Variants in NRG3 observed in about 807,000 individuals in gnomAD.
NRG3 encodes the protein neuregulin 3.
A neutral mutation model predicts 66.9 loss-of-function variants in NRG3; 31 were observed. The observed-to-expected ratio is 0.46, with a 90% CI of 0.35 to 0.63. The LOEUF (loss-of-function observed/expected upper bound fraction) is 0.63. NRG3 is among the 20% of genes least tolerant of loss of function. The probability of loss-of-function intolerance (pLI) is 0.00; values close to 1 mark genes in which losing one functional copy is unlikely to be tolerated. For synonymous variants in NRG3, 393 were observed against 359.4 expected, an observed-to-expected ratio of 1.09 and a Z score of -1.06; for missense variants, 910 against 878.9, an observed-to-expected ratio of 1.04 and a Z score of -0.45.
intron 2 of NRG3, among the ~76,000 whole-genome samples, chr10:82,716,284 G>A (rs534036433): frequency 8.5e-5 from 13 of 152,232 alleles, no homozygotes; most frequent in Non-Finnish European, 1.5e-5. Flanking sequence ...ATATACATAT[G>A]TATACACACG....
chr10:82,221,295 G>T (rs1171228879), intron 1 of NRG3, among the ~76,000 whole-genome samples: 3 of 149,434 alleles, frequency 2.0e-5, no homozygotes, highest in Non-Finnish European at 4.4e-5. Flanking sequence ...GCCACAAAAT[G>T]TAAAAGTCAA....
At chr10:82,756,106 G>A (rs1211581657) in intron 3 of NRG3, among the ~76,000 whole-genome samples, 1 of 151,870 alleles carries the variant, frequency 6.6e-6, no homozygotes, top group African/African-American at 2.4e-5. Flanking sequence ...GAAAGCAGAT[G>A]GTGGATCAGA....
chr10:82,365,952 A>G lies in NRG3; in HGVS notation c.953+7084A>G, dbSNP rs148489865. ...GGTGTTTTTTAAGGAGGTCATTATGACTTGGGTTTGCTTTTGTATCCAAGA... is the reference window on the plus strand; with the variant it reads ...GGTGTTTTTTAAGGAGGTCATTATGGCTTGGGTTTGCTTTTGTATCCAAGA... On this transcript the variant is annotated intron_variant, in intron 2 of 8. Transcript: ENST00000372141. Among the ~76,000 whole-genome samples the G allele has an allele frequency of 3.9e-5, 6 of 152,198 alleles. No homozygotes were observed. The East Asian group carries it at 1.2e-3, about 29-fold the overall frequency.
At chr10:82,226,632 A>AAC (rs1430474114) in intron 1 of NRG3, among the ~76,000 whole-genome samples, 1 of 152,178 alleles carries the variant, frequency 6.6e-6, no homozygotes, top group African/African-American at 2.4e-5. Context: ...CTGGGTTCTT[A>AAC]ACACACTTCA....
chr10:82,405,592 T>A lies in NRG3; in HGVS notation c.953+46724T>A, dbSNP rs191696640. Among the ~76,000 whole-genome samples, 17 of 151,484 alleles carry A rather than the reference T, an allele frequency of 1.1e-4. No homozygotes were observed. The East Asian group carries it at 3.2e-3, about 28-fold the overall frequency. On this transcript the variant is annotated intron_variant, in intron 2 of 8. Transcript: ENST00000372141. ...ATGCCTCAACCTCCTGATGCACACCTGAGTAGCAGGGACTACAGGTGTGCA... is the reference window on the plus strand; with the variant it reads ...ATGCCTCAACCTCCTGATGCACACCAGAGTAGCAGGGACTACAGGTGTGCA...
At chr10:82,519,607 C>T (rs752122153) in intron 2 of NRG3, among the ~76,000 whole-genome samples, 10 of 152,166 alleles carry the variant, frequency 6.6e-5, no homozygotes, top group Non-Finnish European at 1.0e-4. Flanking sequence ...CATCTCTCTT[C>T]TGGGCTCTGT....
At chr10:82,102,395 T>C (rs1479312955) in intron 1 of NRG3, among the ~76,000 whole-genome samples, 1 of 151,054 alleles carries the variant, frequency 6.6e-6, no homozygotes, top group Non-Finnish European at 1.5e-5. Flanking sequence ...AGTAGGGCCT[T>C]TTTTTAATGA....
chr10:82,920,177 G>A (rs1846286582), intron 4 of NRG3, among the ~76,000 whole-genome samples: 1 of 149,582 alleles, frequency 6.7e-6, no homozygotes, highest in South Asian at 2.1e-4. Flanking sequence ...CTGTACGTAA[G>A]TACTGTACTC....
At chr10:82,471,262 T>C (rs968454493) in intron 2 of NRG3, among the ~76,000 whole-genome samples, 1 of 152,092 alleles carries the variant, frequency 6.6e-6, no homozygotes, top group Non-Finnish European at 1.5e-5. Context: ...ACCCTGGAAC[T>C]CGAGAGGCCA....
intron 2 of NRG3, among the ~76,000 whole-genome samples, chr10:82,624,889 G>T (rs1348148222): frequency 6.9e-6 from 1 of 145,478 alleles, no homozygotes; most frequent in Non-Finnish European, 1.5e-5. Flanking sequence ...TTTAAGAAAG[G>T]ATGATAAATA....
chr10:82,717,851 CTT>C (rs57465728), intron 2 of NRG3, among the ~76,000 whole-genome samples: 1 of 143,974 alleles, frequency 6.9e-6, no homozygotes, highest in Non-Finnish European at 1.5e-5. Flanking sequence ...ATTGAAAAGT[CTT>C]TTTTTTTTTT....
At chr10:82,891,664 CATA>C (rs1303636306) in intron 4 of NRG3, among the ~76,000 whole-genome samples, 7 of 152,142 alleles carry the variant, frequency 4.6e-5, no homozygotes, top group African/African-American at 1.7e-4. Context: ...ACTTATTACA[CATA>C]ATAATTCATC....
chr10:82,977,011 T>C lies in NRG3; in HGVS notation c.1413-1939T>C, dbSNP rs140280252. Among the ~76,000 whole-genome samples the C allele has an allele frequency of 5.9e-5, 9 of 152,260 alleles. No individual in the cohort carries two copies. In the East Asian group the frequency reaches 1.7e-3, roughly 29 times the overall value. On this transcript the variant is annotated intron_variant, in intron 7 of 8. Coordinates refer to ENST00000372141, the MANE Select transcript of NRG3 (RefSeq NM_001010848.4). ...ACACTTTTGTATATAGCAAAATCTC[T>C]AACAATGAACCAGGTTAAAGTGCCA...
intron 3 of NRG3, among the ~76,000 whole-genome samples, chr10:82,814,846 A>T (rs2061639255): frequency 6.6e-6 from 1 of 152,188 alleles, no homozygotes; most frequent in South Asian, 2.1e-4. Flanking sequence ...TCTGCTAAGC[A>T]CTTTATGTGA....
chr10:81,973,336 T>C (rs1181477790), intron 1 of NRG3, among the ~76,000 whole-genome samples: 3 of 152,184 alleles, frequency 2.0e-5, no homozygotes, highest in Non-Finnish European at 4.4e-5. Flanking sequence ...AGATTCCATG[T>C]TTTGCTATTG....
intron 1 of NRG3, among the ~76,000 whole-genome samples, chr10:82,032,838 T>A (rs1294153783): frequency 6.6e-6 from 1 of 152,100 alleles, no homozygotes; most frequent in East Asian, 1.9e-4. Context: ...CCTAAGTAGT[T>A]TCCAGGGCAC....
At chr10:82,416,177 T>C (rs2088556080) in intron 2 of NRG3, among the ~76,000 whole-genome samples, 2 of 152,196 alleles carry the variant, frequency 1.3e-5, no homozygotes, top group South Asian at 4.1e-4. Flanking sequence ...CTGTAAAACA[T>C]ACCTTTCAAG....
At chr10:82,630,981 TAATATAC>T (rs1223370955) in intron 2 of NRG3, among the ~76,000 whole-genome samples, 1 of 152,202 alleles carries the variant, frequency 6.6e-6, no homozygotes, top group Non-Finnish European at 1.5e-5. Flanking sequence ...ATTAAAGTTT[TAATATAC>T]AATGTTGCAA....
chr10:82,588,592 T>C (rs2046807913), intron 2 of NRG3, among the ~76,000 whole-genome samples: 1 of 151,626 alleles, frequency 6.6e-6, no homozygotes, highest in Admixed American at 6.6e-5. Context: ...AAGCTCCGCC[T>C]CCCGGGTTCA....
Sources: gnomAD v4.1 joint callset for allele counts (sites outside exome capture counted in the v4.1 genomes callset) on GRCh38, gnomAD v4.1.1 for gene constraint, MANE v1.5 for transcripts, NCBI Gene and HGNC (gene_info 2026-07-23, HGNC 2026-07-21) for gene names.